MYLK: variants seen among roughly 807,000 people sequenced by gnomAD.
MYLK encodes the protein myosin light chain kinase, smooth muscle.
A neutral mutation model predicts 203.4 loss-of-function variants in MYLK; 106 were observed. The observed-to-expected ratio is 0.52, with a 90% CI of 0.45 to 0.61. The LOEUF (loss-of-function observed/expected upper bound fraction) is 0.61, where lower values mean the gene tolerates loss of function less well. MYLK is among the 20% of genes least tolerant of loss of function. The pLI, the probability that MYLK is intolerant of heterozygous loss-of-function variation, is 0.00. For missense variants in MYLK, 2,072 were observed against 2,442.3 expected (o/e 0.85, Z 3.20); for synonymous variants, 867 against 959.5 (o/e 0.90, Z 1.78).
chr3:123,791,556 G>A (rs1219703930), intron 4 of MYLK, among the ~76,000 whole-genome samples: 1 of 152,190 alleles, frequency 6.6e-6, no homozygotes, highest in Non-Finnish European at 1.5e-5. Flanking sequence ...TGCTTTCGAC[G>A]TCTCTCTGGA....
chr3:123,688,885 T>G (rs1181200930), intron 19 of MYLK, among the ~76,000 whole-genome samples: 2 of 152,214 alleles, frequency 1.3e-5, no homozygotes, highest in Non-Finnish European at 2.9e-5. Context: ...TTACCCTGCT[T>G]TGCTTTCTTC....
chr3:123,844,675 C>A (rs1293760721), intron 2 of MYLK, among the ~76,000 whole-genome samples: 1 of 152,070 alleles, frequency 6.6e-6, no homozygotes, highest in African/African-American at 2.4e-5. Context: ...CTGCACCCAG[C>A]CCACTCTTCC....
At chr3:123,733,179 T>A (rs2062548181) in intron 10 of MYLK, 77 bp from the exon 11 acceptor site, 21 of 1,511,034 alleles carry the variant, frequency 1.4e-5, no homozygotes, top group Non-Finnish European at 1.8e-5. Flanking sequence ...GTGGGGAAGG[T>A]GTGAGCTGGA....
intron 28 of MYLK, among the ~76,000 whole-genome samples, chr3:123,639,884 A>G (rs2058771828): frequency 6.6e-6 from 1 of 152,224 alleles, no homozygotes; most frequent in Admixed American, 6.5e-5. Flanking sequence ...GAAACTGTAC[A>G]GTATGATGCA....
chr3:123,637,649 A>G (rs972837524), intron 29 of MYLK, among the ~76,000 whole-genome samples: 6 of 152,098 alleles, frequency 3.9e-5, no homozygotes, highest in Non-Finnish European at 7.4e-5. Context: ...TGCCTTGGGG[A>G]TGGAGTGCTA....
At chr3:123,765,109 G>A (rs749526426) in intron 4 of MYLK, among the ~76,000 whole-genome samples, 10 of 152,128 alleles carry the variant, frequency 6.6e-5, no homozygotes, top group Non-Finnish European at 1.2e-4. Flanking sequence ...TGGAACCGTC[G>A]CACACTGCTG....
At chr3:123,750,681 A>G (rs529337159) in intron 5 of MYLK, among the ~76,000 whole-genome samples, 21 of 152,290 alleles carry the variant, frequency 1.4e-4, no homozygotes, top group African/African-American at 4.6e-4. Context: ...CAATTTCCCC[A>G]GCTCTAAACA....
At chr3:123,796,178 A>G (rs2064979027) in intron 3 of MYLK, among the ~76,000 whole-genome samples, 1 of 152,204 alleles carries the variant, frequency 6.6e-6, no homozygotes, top group Non-Finnish European at 1.5e-5. Context: ...CAAGCCCTTT[A>G]TAAATAATAA....
rs117751546 is a variant in MYLK, at chr3:123,819,207, G to A, written c.-4+12341C>T. On this transcript the variant is annotated intron_variant, in intron 3 of 33. Transcript: ENST00000360304. The stretch of plus-strand genomic sequence containing the variant: ...AGAGGCACTGACTGCCTTTGTTCCC[G>A]ACTATCTTTTCAAGAAGATTTGCAT... 1.8e-3 allele frequency among the ~76,000 whole-genome samples: 277 copies of A among 152,244 alleles called. 2 individuals carry two copies. The highest frequency in any genetic ancestry group is 7.3e-3 in the East Asian group (38 of 5,184).
chr3:123,857,148 C>T (rs2031468961), intron 2 of MYLK, among the ~76,000 whole-genome samples: 1 of 151,836 alleles, frequency 6.6e-6, no homozygotes, highest in African/African-American at 2.4e-5. Flanking sequence ...CAGGAAACAA[C>T]AGGTGCTGGA....
intron 3 of MYLK, among the ~76,000 whole-genome samples, chr3:123,826,600 G>C (rs2066129366): frequency 6.6e-6 from 1 of 152,164 alleles, no homozygotes; most frequent in African/African-American, 2.4e-5. Flanking sequence ...CACTAGGTTG[G>C]CCAAACATCT....
At chr3:123,798,989 G>A (rs1219277562) in intron 3 of MYLK, among the ~76,000 whole-genome samples, 2 of 152,218 alleles carry the variant, frequency 1.3e-5, no homozygotes, top group Non-Finnish European at 2.9e-5. Flanking sequence ...GAGGTTGGGT[G>A]ATTTCTACAA....
chr3:123,850,884 C>T (rs946455099), intron 2 of MYLK, among the ~76,000 whole-genome samples: 5 of 152,196 alleles, frequency 3.3e-5, no homozygotes, highest in African/African-American at 9.6e-5. Flanking sequence ...TTAGGTCTAA[C>T]ATTTAAGTCT....
Position 123,611,432 on chromosome 3 carries a change from A to G in MYLK, c.*2673T>C, listed in dbSNP as rs1248923998. Reference sequence around the variant, plus strand: ...TTCAAACCATGCCCTGGTAAATAGTATCATCAGTGATGATGATGATGATGA... The same window carrying G: ...TTCAAACCATGCCCTGGTAAATAGTGTCATCAGTGATGATGATGATGATGA... On this transcript the variant is annotated 3_prime_UTR_variant, in exon 34 of 34. Transcript: ENST00000360304. The G allele has an allele frequency of 2.2e-5, 3 of 137,958 alleles. No homozygotes were observed. Among genetic ancestry groups the G allele is most frequent in the African/African-American group, 9.8e-5 (3 of 30,672 alleles). The allele number at this position is 137,958 out of a possible 1,614,324, so 8.5% of individuals were successfully genotyped here. A position where few individuals can be genotyped will look rare whatever the true frequency, so the allele number is the denominator to read the frequency against.
At chr3:123,796,614 G>A (rs746432002) in intron 3 of MYLK, among the ~76,000 whole-genome samples, 1 of 152,162 alleles carries the variant, frequency 6.6e-6, no homozygotes, top group Non-Finnish European at 1.5e-5. Flanking sequence ...ATCAATGGAC[G>A]GATGATATGA....
intron 20 of MYLK, among the ~76,000 whole-genome samples, chr3:123,673,960 A>T (rs1486807363): frequency 6.6e-6 from 1 of 152,054 alleles, no homozygotes; most frequent in Non-Finnish European, 1.5e-5. Flanking sequence ...TTCCTGGTAG[A>T]GCACTGCCCC....
At position 123,874,423 on chromosome 3, in the gene MYLK, A is replaced by G. The variant is rs147473092; in HGVS notation, c.-127+2136T>C. Among the ~76,000 whole-genome samples the G allele has an allele frequency of 6.1e-4, 93 of 152,268 alleles. 2 individuals carry two copies. The South Asian group carries it at 0.011, about 18-fold the overall frequency. On this transcript the variant is annotated intron_variant, in intron 2 of 33. Transcript: ENST00000360304. ...ATCTTTTCATTGTGGTGCTAGCACT[A>G]TTGGACATTCATATGCACAACAGAA...
In MYLK at chr3:123,733,939, G is replaced by T. The variant is rs144222004; in HGVS notation, c.1057C>A (p.Gln353Lys). ...SSITLQAARV[Q>K]PEPRAPGLGV... ...AGGCCTGGTGCTCTTGGTTCCGGCT[G>T]AACTCTTGCGGCCTGCAGGGTGATG... Residue 353 changes from glutamine to lysine, a missense_variant, in exon 10 of 34, where the codon CAG (glutamine) becomes AAG (lysine). Physicochemically the swap from Gln to Lys is moderately conservative, Grantham distance 53. Transcript: ENST00000360304. The T allele has an allele frequency of 7.4e-6, 12 of 1,614,194 alleles. No individual in the cohort carries two copies. The highest frequency in any genetic ancestry group is 1.0e-5 in the Non-Finnish European group (12 of 1,180,036).
chr3:123,718,694 C>T (rs957459745), intron 13 of MYLK, among the ~76,000 whole-genome samples: 8 of 152,150 alleles, frequency 5.3e-5, no homozygotes, highest in African/African-American at 1.9e-4. Flanking sequence ...TCACCCTCCT[C>T]GATTCACACA....
Sources: gnomAD v4.1 joint callset for allele counts (sites outside exome capture counted in the v4.1 genomes callset) on GRCh38, gnomAD v4.1.1 for gene constraint, MANE v1.5 for transcripts, NCBI Gene and HGNC (gene_info 2026-07-23, HGNC 2026-07-21) for gene names.